FGF13: variants seen among roughly 807,000 people sequenced by gnomAD.
The protein encoded by FGF13 is fibroblast growth factor 13.
Under a neutral mutation model 19.5 loss-of-function variants are expected in FGF13, and 2 were observed. The observed-to-expected ratio is 0.10, with a 90% CI of 0.04 to 0.32. The LOEUF (loss-of-function observed/expected upper bound fraction) is 0.32. Ranked by LOEUF, FGF13 falls within the 10% of genes least tolerant of loss-of-function variation. FGF13 has a pLI of 1.00. For missense variants in FGF13, 113 were observed against 192.7 expected (o/e 0.59, Z 2.45); for synonymous variants, 72 against 76.9 (o/e 0.94, Z 0.33).
At chrX:138,812,962 T>C (rs1034212974) in intron 3 of FGF13, among the ~76,000 whole-genome samples, 2 of 111,533 alleles carry the variant, frequency 1.8e-5, no homozygotes, top group Non-Finnish European at 3.8e-5. Flanking sequence ...GGTTTTCTGT[T>C]CCTGTGTTAG....
chrX:138,633,294 T>G (rs1454186738), intron 4 of FGF13, among the ~76,000 whole-genome samples: 12 of 111,644 alleles, frequency 1.1e-4, no homozygotes, highest in Admixed American at 7.6e-4. Context: ...TTTTGGTTAC[T>G]AGGCTTCTGT....
chrX:138,984,623 AGAGGAG>A (rs200099451), intron 1 of FGF13, among the ~76,000 whole-genome samples: 3 of 23,804 alleles, frequency 1.3e-4, no homozygotes, highest in South Asian at 5.4e-3. Flanking sequence ...AGGATGAGGA[AGAGGAG>A]GAGGAGGAGG....
chrX:138,876,187 A>ATTGTTG (rs2124172854), intron 1 of FGF13, among the ~76,000 whole-genome samples: 1 of 111,947 alleles, frequency 8.9e-6, no homozygotes, highest in South Asian at 3.7e-4. Flanking sequence ...TCTTCTTTCC[A>ATTGTTG]TCTCTCAACA....
At chrX:138,908,597 T>C (rs999655205) in intron 1 of FGF13, among the ~76,000 whole-genome samples, 1 of 110,777 alleles carries the variant, frequency 9.0e-6, no homozygotes, top group African/African-American at 3.3e-5. Context: ...TCTGTGCTGC[T>C]AATGAAGTTT....
Position 138,994,984 on chromosome X carries a change from CAAAA to C in FGF13, c.-112-130338_-112-130335del, listed in dbSNP as rs5903991. On this transcript the variant is annotated intron_variant, in intron 1 of 2. Coordinates refer to the FGF13 transcript ENST00000421460. ...GACACCAATTCAACAACTATGTAAC[CAAAA>C]AAAAAAAAAAAAAAGCATCTTCAGT... Among the ~76,000 whole-genome samples the C allele has an allele frequency of 9.3e-3, 799 of 85,855 alleles. 7 individuals carry two copies. Among genetic ancestry groups the C allele is most frequent in the African/African-American group, 0.029 (672 of 23,090 alleles). The allele number at this position is 85,855 out of a possible 115,157, so 74.6% of individuals were successfully genotyped here.
chrX:138,850,509 T>A (rs2091214274), intron 3 of FGF13, among the ~76,000 whole-genome samples: 2 of 111,897 alleles, frequency 1.8e-5, no homozygotes, highest in South Asian at 7.5e-4. Flanking sequence ...TTTCTGGCAT[T>A]AATTTGGACT....
At chrX:138,984,597 G>A (rs1440492598) in intron 1 of FGF13, among the ~76,000 whole-genome samples, 66 of 33,795 alleles carry the variant, frequency 2.0e-3, no homozygotes, top group Middle Eastern at 0.015. Context: ...GAAGGAGGAG[G>A]AGGAGGAGGA....
At chrX:138,654,963 C>T (rs761026289) in intron 3 of FGF13, among the ~76,000 whole-genome samples, 2 of 111,356 alleles carry the variant, frequency 1.8e-5, no homozygotes, top group East Asian at 5.7e-4. Context: ...TCTGCAAGTG[C>T]TTTTCCACTC....
chrX:138,988,517 C>T (rs1428244857), intron 1 of FGF13, among the ~76,000 whole-genome samples: 3 of 112,129 alleles, frequency 2.7e-5, no homozygotes, highest in African/African-American at 9.7e-5. Context: ...AAATTTGTTA[C>T]TATTTTTCTA....
intron 1 of FGF13, among the ~76,000 whole-genome samples, chrX:138,983,709 T>G (rs1241096418): frequency 1.8e-5 from 2 of 110,659 alleles, no homozygotes; most frequent in Non-Finnish European, 3.8e-5. Context: ...ATCAGGATCT[T>G]GAAAAGATAT....
chrX:138,834,611 C>A, intron 3 of FGF13, among the ~76,000 whole-genome samples: 1 of 109,072 alleles, frequency 9.2e-6, no homozygotes, highest in Non-Finnish European at 1.9e-5. Flanking sequence ...AAAACAGCTC[C>A]TGGATGGAGT....
intron 3 of FGF13, among the ~76,000 whole-genome samples, chrX:138,780,520 C>G (rs2090630853): frequency 1.2e-5 from 1 of 85,634 alleles, no homozygotes; most frequent in Non-Finnish European, 2.3e-5. Flanking sequence ...CAATCCTAGT[C>G]TCTGATAAAA....
intron 3 of FGF13, among the ~76,000 whole-genome samples, chrX:138,837,594 G>C (rs746581857): frequency 1.8e-4 from 20 of 112,278 alleles, no homozygotes; most frequent in Non-Finnish European, 3.2e-4. Context: ...TAATCTCAGG[G>C]AATTTTCAAA....
At position 138,927,209 on chromosome X, in the gene FGF13, G is replaced by T. The variant is rs913463125; in HGVS notation, c.-112-62559C>A. ...CAATGTGTTAAATGGATGAATGAAA[G>T]AATGAATAAATGAATGTAGAACTGT... On this transcript the variant is annotated intron_variant, in intron 1 of 2. Transcript: ENST00000421460. Among the ~76,000 whole-genome samples the T allele has an allele frequency of 4.5e-5, 5 of 111,900 alleles. No homozygotes were observed. The East Asian group carries it at 1.1e-3, about 25-fold the overall frequency.
At chrX:138,868,379 CGT>C (rs779744839) in intron 1 of FGF13, among the ~76,000 whole-genome samples, 6 of 107,832 alleles carry the variant, frequency 5.6e-5, no homozygotes, top group African/African-American at 1.4e-4. Flanking sequence ...TGTGTGTGTG[CGT>C]GTGTGTGTGT....
At chrX:139,048,803 T>C (rs933018014) in intron 1 of FGF13, among the ~76,000 whole-genome samples, 6 of 111,233 alleles carry the variant, frequency 5.4e-5, no homozygotes, top group African/African-American at 2.0e-4. Context: ...ATTCAAATGA[T>C]TTTATAGTTG....
chrX:138,880,331 G>C (rs1602992934), intron 1 of FGF13, among the ~76,000 whole-genome samples: 1 of 111,952 alleles, frequency 8.9e-6, no homozygotes, highest in African/African-American at 3.2e-5. Flanking sequence ...CCACTACTGG[G>C]TATATACCCA....
intron 1 of FGF13, among the ~76,000 whole-genome samples, chrX:139,016,745 G>T (rs2124379660): frequency 9.0e-6 from 1 of 111,429 alleles, no homozygotes; most frequent in South Asian, 3.8e-4. Flanking sequence ...TATCTAGGTT[G>T]CTCCAGCCTC....
chrX:138,819,012 G>T (rs1023767969), intron 3 of FGF13, among the ~76,000 whole-genome samples: 1 of 110,866 alleles, frequency 9.0e-6, no homozygotes, highest in African/African-American at 3.3e-5. Flanking sequence ...CCAGCTCTAG[G>T]ACTTCATTCT....
Sources: allele counts gnomAD v4.1 joint callset (sites outside exome capture counted in the v4.1 genomes callset), GRCh38; gene constraint gnomAD v4.1.1; transcripts MANE v1.5; gene names NCBI Gene and HGNC (gene_info 2026-07-23, HGNC 2026-07-21).